Variants in GDAP1 observed in about 807,000 individuals in gnomAD.
GDAP1 encodes ganglioside-induced differentiation-associated protein 1.
Under a neutral mutation model 40.1 loss-of-function variants are expected in GDAP1, and 34 were observed. The ratio of observed to expected loss-of-function variants is 0.85; its 90% CI spans 0.64 to 1.13. The LOEUF is 1.13. Among genes scored for constraint, GDAP1 ranks in the 50% most tolerant of loss-of-function variants. GDAP1 has a pLI of 0.00. For synonymous variants in GDAP1, 170 were observed against 157.4 expected (o/e 1.08, Z -0.60); for missense variants, 374 against 433.7 (o/e 0.86, Z 1.22).
chr8:74,441,217 C>T (rs565429624), intron 2 of GDAP1, among the ~76,000 whole-genome samples: 26 of 152,200 alleles, frequency 1.7e-4, no homozygotes, highest in East Asian at 1.4e-3. Flanking sequence ...TTAAAAACAA[C>T]GAAAGACTTG....
intron 2 of GDAP1, among the ~76,000 whole-genome samples, chr8:74,428,153 G>T (rs1048204463): frequency 6.6e-6 from 1 of 152,046 alleles, no homozygotes; most frequent in African/African-American, 2.4e-5. Context: ...AGAACTTCAG[G>T]AAGCCGACAT....
At chr8:74,447,562 A>C (rs1806247212) in intron 2 of GDAP1, among the ~76,000 whole-genome samples, 1 of 152,124 alleles carries the variant, frequency 6.6e-6, no homozygotes, top group African/African-American at 2.4e-5. Flanking sequence ...CAGTTTCTTT[A>C]GTGTCCCCAA....
At position 74,391,227 on chromosome 8, in the gene GDAP1, G is replaced by GA. The variant is rs902186141; in HGVS notation, c.165+39916dup. Among the ~76,000 whole-genome samples, 92 of 146,428 alleles carry GA rather than the reference G, an allele frequency of 6.3e-4. No homozygotes were observed. The East Asian group carries it at 0.013, about 21-fold the overall frequency. On this transcript the variant is annotated intron_variant, in intron 2 of 2. Coordinates refer to the GDAP1 transcript ENST00000523640. ...GGCATTCCAGGCGCTAGTGGGGTAT[G>GA]AAAAAAAAAACTCCTACAGCTAGCT...
At chr8:74,460,037 A>G (rs1346501548) in intron 2 of GDAP1, among the ~76,000 whole-genome samples, 3 of 152,196 alleles carry the variant, frequency 2.0e-5, no homozygotes, top group Non-Finnish European at 4.4e-5. Flanking sequence ...CATTGAGTAC[A>G]ACATCTAGTC....
chr8:74,390,366 T>C (rs1810088987), intron 2 of GDAP1, among the ~76,000 whole-genome samples: 1 of 152,182 alleles, frequency 6.6e-6, no homozygotes, highest in Non-Finnish European at 1.5e-5. Flanking sequence ...ATGGGGTTTT[T>C]GTGTGGATGT....
Position 74,350,637 on chromosome 8 carries a change from TC to T in GDAP1, c.117+61del, listed in dbSNP as rs1177493615. 20 of 1,029,040 alleles carry T rather than the reference TC, an allele frequency of 1.9e-5. No homozygotes were observed. The African/African-American group carries it at 2.8e-4, about 14-fold the overall frequency. The allele number at this position is 1,029,040 out of a possible 1,614,324, so 63.7% of individuals were successfully genotyped here. ...GATCGGGCTTCAGCACTGGGACAGCTCCTTCTGAGTCCCGCCCAGGGAAGCC... is the reference window on the plus strand; with the variant it reads ...GATCGGGCTTCAGCACTGGGACAGCTCTTCTGAGTCCCGCCCAGGGAAGCC... On this transcript the variant is annotated intron_variant, in intron 1 of 5. Transcript: ENST00000220822.
In GDAP1 at chr8:74,365,935, T is replaced by C. The variant is rs1470239747; in HGVS notation, c.*1568T>C. 4.4e-6 allele frequency: 2 copies of C among 453,404 alleles called. No individual in the cohort carries two copies. The highest frequency in any genetic ancestry group is 8.8e-6 in the Non-Finnish European group (2 of 226,656). The allele number at this position is 453,404 out of a possible 1,614,324, so 28.1% of individuals were successfully genotyped here. A position where few individuals can be genotyped will look rare whatever the true frequency, so the allele number is the denominator to read the frequency against. ...GGGACATACCAATCCATGTATTCAT[T>C]AGAGCCATAGAAGTTATTATTCATT... On this transcript the variant is annotated 3_prime_UTR_variant, in exon 6 of 6. Transcript: ENST00000220822.
At chr8:74,350,662 C>A in intron 1 of GDAP1, 84 bp downstream of exon 1, 2 of 925,740 alleles carry the variant, frequency 2.2e-6, no homozygotes, top group Non-Finnish European at 3.6e-6. Context: ...CCCAGGGAAG[C>A]CGGTCCACCT....
intron 2 of GDAP1, among the ~76,000 whole-genome samples, chr8:74,487,821 A>G (rs1306624238): frequency 6.6e-6 from 1 of 152,170 alleles, no homozygotes; most frequent in Non-Finnish European, 1.5e-5. Flanking sequence ...GAGGAAAGGC[A>G]TCCATCCTGC....
At chr8:74,465,836 C>G (rs75420703) in intron 2 of GDAP1, among the ~76,000 whole-genome samples, 4,558 of 150,714 alleles carry the variant, frequency 0.03, 231 homozygotes, top group African/African-American at 0.11. Context: ...CATCATACTT[C>G]TAGGCCAAAA....
chr8:74,398,474 T>C (rs950275283), intron 2 of GDAP1, among the ~76,000 whole-genome samples: 2 of 152,218 alleles, frequency 1.3e-5, no homozygotes, highest in Non-Finnish European at 2.9e-5. Context: ...TTTCTAGATA[T>C]ACAATCATGT....
intron 2 of GDAP1, among the ~76,000 whole-genome samples, chr8:74,444,022 CT>C (rs1383512078): frequency 9.5e-6 from 1 of 105,156 alleles, no homozygotes; most frequent in Admixed American, 1.3e-4. Flanking sequence ...ATCTATCTAT[CT>C]ATCATCTATC....
intron 4 of GDAP1, among the ~76,000 whole-genome samples, chr8:74,362,498 C>T (rs1809417729): frequency 6.6e-6 from 1 of 152,178 alleles, no homozygotes; most frequent in Admixed American, 6.5e-5. Flanking sequence ...AAACGAGCTC[C>T]TCAGAAGAAA....
intron 2 of GDAP1, among the ~76,000 whole-genome samples, chr8:74,399,057 G>A (rs879612749): frequency 4.8e-4 from 73 of 152,144 alleles, no homozygotes; most frequent in African/African-American, 1.7e-3. Context: ...GATGATACTG[G>A]CCTCATAAAA....
At chr8:74,398,597 T>C (rs1289232739) in intron 2 of GDAP1, among the ~76,000 whole-genome samples, 3 of 151,996 alleles carry the variant, frequency 2.0e-5, no homozygotes, top group African/African-American at 4.8e-5. Flanking sequence ...TGAATAGGAG[T>C]GGTGAGAGAG....
intron 2 of GDAP1, among the ~76,000 whole-genome samples, chr8:74,445,342 G>T (rs980136968): frequency 6.6e-6 from 1 of 152,164 alleles, no homozygotes; most frequent in East Asian, 1.9e-4. Context: ...AATAAATTTA[G>T]ATAAGGTTGT....
intron 2 of GDAP1, among the ~76,000 whole-genome samples, chr8:74,415,336 G>GAA (rs1805764547): frequency 6.7e-6 from 1 of 150,112 alleles, no homozygotes; most frequent in Non-Finnish European, 1.5e-5. Context: ...AATAATAGAA[G>GAA]AAAAGCATGA....
intron 2 of GDAP1, among the ~76,000 whole-genome samples, chr8:74,406,885 A>C (rs933517557): frequency 2.7e-5 from 4 of 149,864 alleles, no homozygotes; most frequent in African/African-American, 1.0e-4. Context: ...TCCATAGAAT[A>C]CCTGTTGGTA....
At chr8:74,393,968 A>G (rs965767733) in intron 2 of GDAP1, among the ~76,000 whole-genome samples, 29 of 152,304 alleles carry the variant, frequency 1.9e-4, no homozygotes, top group Admixed American at 1.8e-3. Context: ...AATTCTGCTT[A>G]TATAACTCCA....
Sources: gnomAD v4.1 joint callset for allele counts (sites outside exome capture counted in the v4.1 genomes callset) on GRCh38, gnomAD v4.1.1 for gene constraint, MANE v1.5 for transcripts, NCBI Gene and HGNC (gene_info 2026-07-23, HGNC 2026-07-21) for gene names.